The following RAB28 variants were observed in gnomAD, a reference collection of about 807,000 sequenced individuals.
RAB28 encodes the protein RAB28, member RAS oncogene family.
RAB28 carries 24 observed loss-of-function variants against 31.7 expected under a neutral mutation model. The observed-to-expected ratio is 0.76, with a 90% CI of 0.55 to 1.06. The LOEUF is 1.06. Among genes scored for constraint, RAB28 ranks in the 50% least tolerant of loss-of-function variants. RAB28 has a pLI of 0.00. For missense variants in RAB28, 254 were observed against 258.5 expected (o/e 0.98, Z 0.12); for synonymous variants, 100 against 90.4 (o/e 1.11, Z -0.60).
chr4:13,468,608 A>G (rs753460079), intron 3 of RAB28, among the ~76,000 whole-genome samples: 15 of 151,946 alleles, frequency 9.9e-5, no homozygotes, highest in Non-Finnish European at 1.8e-4. Context: ...TTGAATGCAT[A>G]TATTAGAAAA....
At chr4:13,411,073 G>GA (rs987107636) in intron 4 of RAB28, among the ~76,000 whole-genome samples, 2 of 151,524 alleles carry the variant, frequency 1.3e-5, no homozygotes, top group Non-Finnish European at 2.9e-5. Flanking sequence ...AAGAAACAGA[G>GA]AAAAAAATCC....
intron 1 of RAB28, among the ~76,000 whole-genome samples, chr4:13,479,805 G>A (rs746696093): frequency 5.3e-5 from 8 of 150,836 alleles, no homozygotes; most frequent in Non-Finnish European, 7.4e-5. Flanking sequence ...TAGAATTTGA[G>A]AGTTATCAAC....
intron 4 of RAB28, among the ~76,000 whole-genome samples, chr4:13,446,700 T>C (rs1714715593): frequency 1.3e-5 from 2 of 152,028 alleles, no homozygotes; most frequent in African/African-American, 4.8e-5. Context: ...CCAGTCCCAA[T>C]GAGATGAACT....
intron 2 of RAB28, among the ~76,000 whole-genome samples, chr4:13,475,041 A>G (rs1716289726): frequency 6.6e-6 from 1 of 151,674 alleles, no homozygotes; most frequent in Admixed American, 6.6e-5. Context: ...CATACCATGT[A>G]TATCACTAAA....
intron 4 of RAB28, among the ~76,000 whole-genome samples, chr4:13,427,861 CA>C (rs376379134): frequency 4.6e-5 from 7 of 152,308 alleles, no homozygotes; most frequent in African/African-American, 1.7e-4. Context: ...CAAGCCGCGA[CA>C]AAACCCCACA....
intron 4 of RAB28, among the ~76,000 whole-genome samples, chr4:13,382,682 G>C (rs1243138703): frequency 1.4e-5 from 2 of 145,326 alleles, no homozygotes; most frequent in African/African-American, 5.0e-5. Flanking sequence ...GCTTACCTTG[G>C]AAAATATGGA....
rs1258714017 is a variant in RAB28, at chr4:13,479,477, T to A, written c.125A>T (p.Lys42Ile). 1.2e-6 allele frequency: 2 copies of A among 1,609,734 alleles called. No homozygotes were observed. Among genetic ancestry groups the A allele is most frequent in the East Asian group, 2.2e-5 (1 of 44,710 alleles). Residue 42 changes from lysine to isoleucine, a missense_variant, in exon 2 of 7, where the codon AAA becomes ATA. Physicochemically the swap from Lys to Ile is moderately radical, Grantham distance 102 (BLOSUM62 -3). Transcript: ENST00000330852. Reference protein sequence around the residue: ...FAQETFGKQYKQTIGLDFFLR... With the variant: ...FAQETFGKQYIQTIGLDFFLR... ...AAAGAAATCCAGTCCTATAGTTTGT[T>A]TGTACTGTTTCCCAAAAGTTTCTTG...
intron 4 of RAB28, among the ~76,000 whole-genome samples, chr4:13,402,399 T>C (rs1350695797): frequency 6.6e-6 from 1 of 152,272 alleles, no homozygotes; most frequent in Non-Finnish European, 1.5e-5. Context: ...CTTTCTGTTC[T>C]ATCAGTTTTT....
At chr4:13,416,812 A>C (rs1455353799) in intron 4 of RAB28, among the ~76,000 whole-genome samples, 1 of 152,250 alleles carries the variant, frequency 6.6e-6, no homozygotes, top group Non-Finnish European at 1.5e-5. Context: ...TGCAGCTCCC[A>C]GTGTGATCAA....
intron 4 of RAB28, among the ~76,000 whole-genome samples, chr4:13,411,679 TA>T (rs1254862556): frequency 6.6e-6 from 1 of 152,036 alleles, no homozygotes; most frequent in Non-Finnish European, 1.5e-5. Context: ...AAACATATTT[TA>T]AAAATAAAAT....
chr4:13,424,359 G>A (rs1577201143), intron 4 of RAB28, among the ~76,000 whole-genome samples: 2 of 152,170 alleles, frequency 1.3e-5, no homozygotes. Context: ...GGCATTCCTT[G>A]GCTTGTAGCT....
chr4:13,478,240 C>T (rs1256168160), intron 2 of RAB28, among the ~76,000 whole-genome samples: 1 of 151,432 alleles, frequency 6.6e-6, no homozygotes, highest in Non-Finnish European at 1.5e-5. Context: ...GTTTTGGATA[C>T]AATAAAAGAA....
chr4:13,447,325 T>C (rs749739009), intron 4 of RAB28, among the ~76,000 whole-genome samples: 4 of 152,178 alleles, frequency 2.6e-5, no homozygotes, highest in Non-Finnish European at 5.9e-5. Context: ...GCCCATACGA[T>C]GGCCCACAAA....
chr4:13,384,612 G>GC (rs1359454474), intron 4 of RAB28, among the ~76,000 whole-genome samples: 1 of 152,068 alleles, frequency 6.6e-6, no homozygotes, highest in Non-Finnish European at 1.5e-5. Context: ...CTGAGGCTTG[G>GC]CCCCCTAAAA....
intron 4 of RAB28, among the ~76,000 whole-genome samples, chr4:13,435,698 C>A (rs1714058599): frequency 1.3e-5 from 2 of 152,030 alleles, no homozygotes; most frequent in Non-Finnish European, 2.9e-5. Context: ...CCTGAACAGA[C>A]AAAAACAAGT....
intron 4 of RAB28, among the ~76,000 whole-genome samples, chr4:13,453,762 C>A (rs1455367487): frequency 6.6e-6 from 1 of 152,058 alleles, no homozygotes; most frequent in Non-Finnish European, 1.5e-5. Context: ...TTTTAGAATT[C>A]TCTTTGACTT....
At chr4:13,410,452 T>A (rs941252411) in intron 4 of RAB28, among the ~76,000 whole-genome samples, 5 of 152,078 alleles carry the variant, frequency 3.3e-5, no homozygotes. Flanking sequence ...TGAAATATAT[T>A]GCAAACCCCA....
At chr4:13,447,362 G>T (rs886455431) in intron 4 of RAB28, among the ~76,000 whole-genome samples, 1 of 151,976 alleles carries the variant, frequency 6.6e-6, no homozygotes, top group African/African-American at 2.4e-5. Flanking sequence ...CCTTTTCCTA[G>T]ATCCCTCCCT....
At chr4:13,419,577 A>G (rs1712999694) in intron 4 of RAB28, among the ~76,000 whole-genome samples, 2 of 152,244 alleles carry the variant, frequency 1.3e-5, no homozygotes, top group South Asian at 4.1e-4. Flanking sequence ...CAATCAAATT[A>G]GAACTCAGGA....
Sources: allele counts gnomAD v4.1 joint callset (sites outside exome capture counted in the v4.1 genomes callset), GRCh38; gene constraint gnomAD v4.1.1; transcripts MANE v1.5; gene names NCBI Gene and HGNC (gene_info 2026-07-23, HGNC 2026-07-21).